The following ODAD2 variants were observed in gnomAD, a reference collection of about 807,000 sequenced individuals.
ODAD2 encodes outer dynein arm docking complex subunit 2.
Under a neutral mutation model 106.8 loss-of-function variants are expected in ODAD2, and 89 were observed. The ratio of observed to expected loss-of-function variants is 0.83; its 90% CI spans 0.70 to 0.99. The LOEUF is 0.99. Among genes scored for constraint, ODAD2 ranks in the 50% least tolerant of loss-of-function variants. ODAD2 has a pLI of 0.00. For synonymous variants in ODAD2, 404 were observed against 436.2 expected (o/e 0.93, Z 0.92); for missense variants, 1,168 against 1,238.5 (o/e 0.94, Z 0.85).
intron 1 of ODAD2, among the ~76,000 whole-genome samples, chr10:27,998,696 C>T (rs1850705100): frequency 6.6e-6 from 1 of 151,962 alleles, no homozygotes; most frequent in Non-Finnish European, 1.5e-5. Context: ...GGGGAGCAGG[C>T]GAGAGCGGCA....
chr10:27,875,737 C>G (rs970376852), intron 17 of ODAD2, among the ~76,000 whole-genome samples: 1 of 152,164 alleles, frequency 6.6e-6, no homozygotes, highest in East Asian at 1.9e-4. Flanking sequence ...TGAGCCAAAG[C>G]AGGGCAAGGC....
At chr10:27,922,462 T>A (rs1844866873) in intron 16 of ODAD2, among the ~76,000 whole-genome samples, 1 of 152,168 alleles carries the variant, frequency 6.6e-6, no homozygotes, top group South Asian at 2.1e-4. Flanking sequence ...GGAATAATAA[T>A]GTTTGAATGT....
Position 27,853,532 on chromosome 10 carries a change from A to G in ODAD2, c.3021+7093T>C, listed in dbSNP as rs185193452. 1.4e-3 allele frequency among the ~76,000 whole-genome samples: 217 copies of G among 152,286 alleles called. 1 individual carries two copies. The highest frequency in any genetic ancestry group is 5.0e-3 in the African/African-American group (209 of 41,574). On this transcript the variant is annotated intron_variant, in intron 19 of 19. Coordinates refer to ENST00000305242, the MANE Select transcript of ODAD2 (RefSeq NM_018076.5). ...TCTCAAAAAAACCAAGGGTGTCTAT[A>G]TTAGTATCAGAAAATGATTTCAAAA...
intron 6 of ODAD2, among the ~76,000 whole-genome samples, chr10:27,983,208 TC>T (rs1849669749): frequency 6.6e-6 from 1 of 152,212 alleles, no homozygotes; most frequent in Non-Finnish European, 1.5e-5. Context: ...AATATCACTA[TC>T]AGTCATCCAG....
In ODAD2 at chr10:27,918,853, G is replaced by T. The variant is rs147107821; in HGVS notation, c.2496-11076C>A. ...AGCAAGTTTGCCAGCATACATAAAG[G>T]TATATTTGAATATACAAAGGTATAT... is the stretch of plus-strand genomic sequence containing the variant. On this transcript the variant is annotated intron_variant, in intron 16 of 19. Coordinates refer to ENST00000305242, the MANE Select transcript of ODAD2 (RefSeq NM_018076.5). 7.2e-3 allele frequency among the ~76,000 whole-genome samples: 1,082 copies of T among 150,764 alleles called. 18 individuals are homozygous for T. The highest frequency in any genetic ancestry group is 0.025 in the African/African-American group (1,021 of 41,160).
chr10:27,859,685 T>G (rs1323725953), intron 19 of ODAD2, among the ~76,000 whole-genome samples: 4 of 152,194 alleles, frequency 2.6e-5, no homozygotes, highest in Non-Finnish European at 4.4e-5. Context: ...GAACTAATAT[T>G]TTAAATCAAT....
At chr10:27,820,392 AT>A (rs1424863990) in intron 19 of ODAD2, among the ~76,000 whole-genome samples, 2 of 151,618 alleles carry the variant, frequency 1.3e-5, no homozygotes, top group Non-Finnish European at 2.9e-5. Context: ...CAGTTACATA[AT>A]TTCCCACTGC....
intron 17 of ODAD2, among the ~76,000 whole-genome samples, chr10:27,867,149 G>T (rs915039819): frequency 1.3e-5 from 2 of 152,032 alleles, no homozygotes; most frequent in East Asian, 3.9e-4. Flanking sequence ...TGACCCCAAA[G>T]CACAAGCAGA....
At chr10:27,906,680 G>T (rs1159988013) in intron 17 of ODAD2, among the ~76,000 whole-genome samples, 1 of 152,190 alleles carries the variant, frequency 6.6e-6, no homozygotes, top group East Asian at 1.9e-4. Context: ...ATACTATGCA[G>T]CCATAAAAAC....
chr10:27,870,382 T>G (rs1840773207), intron 17 of ODAD2, among the ~76,000 whole-genome samples: 1 of 152,138 alleles, frequency 6.6e-6, no homozygotes, highest in Admixed American at 6.5e-5. Context: ...CACTTTAAGT[T>G]CTAGGGTACA....
At chr10:27,858,651 G>A (rs920984139) in intron 19 of ODAD2, among the ~76,000 whole-genome samples, 5 of 70,120 alleles carry the variant, frequency 7.1e-5, no homozygotes, top group African/African-American at 2.0e-4. Context: ...CTGTGTGGGT[G>A]GGCCAAACAC....
intron 1 of ODAD2, 68 bp from the exon 2 acceptor site, chr10:27,995,248 A>G (rs1291521697): frequency 6.8e-7 from 1 of 1,472,216 alleles, no homozygotes; most frequent in East Asian, 2.4e-5. Context: ...TTTCATTCTC[A>G]AGACTTTAAA....
At chr10:27,960,839 C>T (rs1848086016) in intron 10 of ODAD2, among the ~76,000 whole-genome samples, 2 of 152,120 alleles carry the variant, frequency 1.3e-5, no homozygotes, top group Admixed American at 1.3e-4. Context: ...AATACTTTTT[C>T]ACAAATACTT....
Position 27,921,735 on chromosome 10 carries a change from CAAA to C in ODAD2, c.2495+13272_2495+13274del, listed in dbSNP as rs201152921. On this transcript the variant is annotated intron_variant, in intron 16 of 19. Coordinates refer to ENST00000305242, the MANE Select transcript of ODAD2 (RefSeq NM_018076.5). ...ATTACAAAGATAAAAATCCCCAGTC[CAAA>C]AAAAAAAAAATCAAGTAATTTACAA... Among the ~76,000 whole-genome samples the C allele has an allele frequency of 4.7e-3, 554 of 117,158 alleles. 5 individuals are homozygous for C. The highest frequency in any genetic ancestry group is 0.014 in the African/African-American group (513 of 35,474). The allele number at this position is 117,158 out of a possible 152,430, so 76.9% of individuals were successfully genotyped here.
intron 15 of ODAD2, 53 bp downstream of exon 15, chr10:27,936,673 A>C (rs1399434551): frequency 1.3e-6 from 2 of 1,588,252 alleles, no homozygotes; most frequent in Admixed American, 3.4e-5. Context: ...AATGACAAGA[A>C]GGTGTTTCAG....
At chr10:27,944,177 T>C in intron 12 of ODAD2, 45 bp downstream of exon 12, 1 of 1,523,266 alleles carries the variant, frequency 6.6e-7, no homozygotes, top group South Asian at 1.2e-5. Flanking sequence ...CTGTGTGCAG[T>C]GGCGGCTGGC....
At position 27,971,184 on chromosome 10, in the gene ODAD2, T is replaced by C; in HGVS notation, c.1066A>G (p.Ile356Val). The change falls in exon 8 of 20, where the codon ATT becomes GTT. Residue 356 changes from isoleucine to valine, a missense_variant. Ile to Val is a conservative substitution (Grantham distance 29). Coordinates refer to ENST00000305242, the MANE Select transcript of ODAD2 (RefSeq NM_018076.5). The part of the protein sequence containing the change: ...SDKRSLEKNQ[I>V]NFWRNQMTKR... Reference sequence around the variant, plus strand: ...GTCATTTGATTCCTCCAAAAATTAATTTGGTTCTTCTCCAGTGACCTTTTG... The same window carrying C: ...GTCATTTGATTCCTCCAAAAATTAACTTGGTTCTTCTCCAGTGACCTTTTG... The C allele has an allele frequency of 6.2e-7, 1 of 1,613,978 alleles. No homozygotes were observed. The highest frequency in any genetic ancestry group is 8.5e-7 in the Non-Finnish European group (1 of 1,179,916).
At chr10:27,961,456 C>T in intron 10 of ODAD2, 112 bp downstream of exon 10, 2 of 1,064,868 alleles carry the variant, frequency 1.9e-6, no homozygotes, top group Non-Finnish European at 2.8e-6. Context: ...AACAGGAATG[C>T]TTACTACTCT....
At chr10:27,880,467 T>C (rs1407703145) in intron 17 of ODAD2, among the ~76,000 whole-genome samples, 7 of 152,218 alleles carry the variant, frequency 4.6e-5, no homozygotes, top group Non-Finnish European at 1.0e-4. Flanking sequence ...TTTTTAAAAC[T>C]TCCTAAGTTC....
Sources: allele counts gnomAD v4.1 joint callset (sites outside exome capture counted in the v4.1 genomes callset), GRCh38; gene constraint gnomAD v4.1.1; transcripts MANE v1.5; gene names NCBI Gene and HGNC (gene_info 2026-07-23, HGNC 2026-07-21).